Variants in AOX1 observed in about 807,000 individuals in gnomAD.
AOX1 encodes the protein aldehyde oxidase.
In AOX1, 153 loss-of-function variants were observed where a neutral mutation model predicts 169.5. That is an observed-to-expected ratio of 0.90 (90% confidence interval 0.79 to 1.03). The LOEUF is 1.03. AOX1 is among the 50% of genes least tolerant of loss of function. AOX1 has a pLI of 0.00. For synonymous variants in AOX1, 562 were observed against 581.9 expected (o/e 0.97, Z 0.49); for missense variants, 1,656 against 1,663.9 (o/e 1.00, Z 0.08).
chr2:200,660,140 CATTA>C lies in AOX1; in HGVS notation c.3375+75_3375+78del, dbSNP rs1490035759. On this transcript the variant is annotated intron_variant, in intron 29 of 34. Transcript: ENST00000374700. ...GTGGGAGGAGAGCAAGAGCAATGTG[CATTA>C]ATTGAAATCTGTAGAAAGGGCATTT... 2.4e-6 allele frequency: 3 copies of C among 1,275,990 alleles called. No individual in the cohort carries two copies. In the African/African-American group the frequency reaches 4.5e-5, roughly 19 times the overall value. The allele number at this position is 1,275,990 out of a possible 1,614,324, so 79.0% of individuals were successfully genotyped here. A position where few individuals can be genotyped will look rare whatever the true frequency, so the allele number is the denominator to read the frequency against.
At chr2:200,663,570 ACACT>A (rs1181932739) in intron 31 of AOX1, among the ~76,000 whole-genome samples, 8 of 123,734 alleles carry the variant, frequency 6.5e-5, no homozygotes, top group East Asian at 2.9e-4. Flanking sequence ...ACACACACAC[ACACT>A]CTCTCTCTCT....
chr2:200,639,168 A>G (rs1009118365), intron 23 of AOX1, among the ~76,000 whole-genome samples: 9 of 152,252 alleles, frequency 5.9e-5, no homozygotes, highest in African/African-American at 2.2e-4. Flanking sequence ...GACAGTGCAG[A>G]CGCAGAACAT....
chr2:200,607,859 A>G (rs1176161149), intron 10 of AOX1, among the ~76,000 whole-genome samples: 1 of 152,182 alleles, frequency 6.6e-6, no homozygotes, highest in East Asian at 1.9e-4. Flanking sequence ...CAGCAAACTA[A>G]CACAGGAACA....
chr2:200,629,920 C>T (rs560583341), intron 20 of AOX1, among the ~76,000 whole-genome samples: 131 of 151,998 alleles, frequency 8.6e-4, no homozygotes, highest in Non-Finnish European at 1.4e-3. Flanking sequence ...AAAAATGATA[C>T]GGGAATATTA....
At chr2:200,596,335 CA>C (rs2106367540) in intron 3 of AOX1, among the ~76,000 whole-genome samples, 1 of 152,324 alleles carries the variant, frequency 6.6e-6, no homozygotes, top group East Asian at 1.9e-4. Flanking sequence ...CTGTCGCAGC[CA>C]TGTTGCTCTG....
Position 200,593,138 on chromosome 2 carries a change from T to C in AOX1, c.46-8T>C. ...TCTCAACTAACTCTTATTTTCCCTT[T>C]GGTATAGGTGATAGAAAAAAATGTC... On this transcript the variant is annotated splice_polypyrimidine_tract_variant and splice_region_variant and intron_variant, in intron 1 of 34. Transcript: ENST00000374700. The C allele has an allele frequency of 6.2e-7, 1 of 1,610,160 alleles. No homozygotes were observed. Among genetic ancestry groups the C allele is most frequent in the Non-Finnish European group, 8.5e-7 (1 of 1,176,730 alleles).
intron 22 of AOX1, among the ~76,000 whole-genome samples, chr2:200,637,499 A>T (rs1216250218): frequency 6.6e-6 from 1 of 152,160 alleles, no homozygotes; most frequent in South Asian, 2.1e-4. Flanking sequence ...ATATATGTAC[A>T]TTCTTCAATA....
Position 200,597,403 on chromosome 2 carries a change from C to G in AOX1, c.207C>G (p.His69Gln), listed in dbSNP as rs762414818. 1.1e-5 allele frequency: 17 copies of G among 1,602,778 alleles called. No individual in the cohort carries two copies. The highest frequency in any genetic ancestry group is 2.2e-5 in the East Asian group (1 of 44,612). The change falls in exon 4 of 35, where the codon CAC becomes CAG. Residue 69 changes from histidine (H) to glutamine (Q), a missense_variant. Coordinates refer to ENST00000374700, the MANE Select transcript of AOX1 (RefSeq NM_001159.4). ...TTTCTTTTGCATTCTGAAGGCATCA[C>G]CCAGCCAATGCCTGTCTGATTCCCA... ...YNPITKRIRH[H>Q]PANACLIPIC... is the part of the protein sequence containing the mutation.
intron 5 of AOX1, among the ~76,000 whole-genome samples, chr2:200,601,073 CTTTTTTTT>C (rs58855977): frequency 3.8e-4 from 46 of 120,480 alleles, no homozygotes; most frequent in Non-Finnish European, 5.5e-4. Flanking sequence ...GCTTAGAGTG[CTTTTTTTT>C]TTTTTTTTTT....
chr2:200,592,296 G>A (rs969883849), intron 1 of AOX1, among the ~76,000 whole-genome samples: 1 of 152,188 alleles, frequency 6.6e-6, no homozygotes. Context: ...GGGTGAGGCA[G>A]CAGCCCTAGA....
chr2:200,659,358 G>A, intron 28 of AOX1, 65 bp downstream of exon 28: 1 of 1,541,222 alleles, frequency 6.5e-7, no homozygotes, highest in Admixed American at 1.8e-5. Flanking sequence ...TGGGTGGGTG[G>A]AGCTCCAAAG....
At position 200,626,353 on chromosome 2, in the gene AOX1, C is replaced by T. The variant is rs573088481; in HGVS notation, c.2125-1000C>T. Reference sequence around the variant, plus strand: ...CCTCTAAGGGGTGTTGTCTAGACACCTACTGGTGGCCAGAAGGAAACAGAG... The same window carrying T: ...CCTCTAAGGGGTGTTGTCTAGACACTTACTGGTGGCCAGAAGGAAACAGAG... On this transcript the variant is annotated intron_variant, in intron 19 of 34. Transcript: ENST00000374700. 5.2e-4 allele frequency among the ~76,000 whole-genome samples: 79 copies of T among 152,270 alleles called. No individual in the cohort carries two copies. The Middle Eastern group carries it at 0.014, about 26-fold the overall frequency.
chr2:200,604,568 T>A (rs2034476523), intron 8 of AOX1, 128 bp from the exon 9 acceptor site: 4 of 1,010,106 alleles, frequency 4.0e-6, no homozygotes, highest in Middle Eastern at 3.1e-4. Context: ...TACTTTTAGG[T>A]CACTTTGTAC....
downstream of AOX1, among the ~76,000 whole-genome samples, chr2:200,672,314 T>C (rs1170717249): frequency 1.3e-5 from 2 of 152,232 alleles, no homozygotes; most frequent in East Asian, 3.8e-4. Flanking sequence ...AAAAAGTATC[T>C]GTGGAGAGAA....
In AOX1 at chr2:200,616,000, C is replaced by A. The variant is rs777354923; in HGVS notation, c.1641C>A (p.Asp547Glu). The change falls in exon 16 of 35, where the codon GAC becomes GAA. Residue 547 changes from aspartate to glutamate, a missense_variant. Transcript: ENST00000374700. ...MDPVHYPSLA[D>E]KYESALEDLH... ...CAGTTCACTATCCTAGCCTTGCAGA[C>A]AAGTATGAAAGTGCTTTAGAAGATC... The A allele has an allele frequency of 6.2e-7, 1 of 1,613,686 alleles. No individual in the cohort carries two copies.
intron 1 of AOX1, among the ~76,000 whole-genome samples, chr2:200,586,924 A>G (rs12993621): frequency 0.22 from 33,287 of 152,078 alleles, 3,869 homozygotes; most frequent in Middle Eastern, 0.3. Context: ...CTCACTCTTA[A>G]TGTTCCAGTT....
chr2:200,657,636 T>G (rs1192202195), intron 27 of AOX1, among the ~76,000 whole-genome samples: 1 of 152,224 alleles, frequency 6.6e-6, no homozygotes, highest in East Asian at 1.9e-4. Flanking sequence ...TTTCTTGCCC[T>G]TTTTGTATTA....
intron 32 of AOX1, 92 bp downstream of exon 32, chr2:200,666,844 A>G (rs1454625220): frequency 7.1e-6 from 6 of 847,860 alleles, no homozygotes; most frequent in Admixed American, 2.5e-5. Flanking sequence ...CTTATTCATC[A>G]TCTTATTTTT....
intron 29 of AOX1, 84 bp from the exon 30 acceptor site, chr2:200,661,495 C>T: frequency 1.9e-6 from 2 of 1,077,970 alleles, no homozygotes; most frequent in Non-Finnish European, 2.8e-6. Flanking sequence ...TTATTTAACA[C>T]ACAGGGTAAA....
Sources: allele counts gnomAD v4.1 joint callset (sites outside exome capture counted in the v4.1 genomes callset), GRCh38; gene constraint gnomAD v4.1.1; transcripts MANE v1.5; gene names NCBI Gene and HGNC (gene_info 2026-07-23, HGNC 2026-07-21).